MBNL1: variants seen among roughly 807,000 people sequenced by gnomAD.
MBNL1 encodes the protein muscleblind-like protein 1.
In MBNL1, 8 loss-of-function variants were observed where a neutral mutation model predicts 42.2. The observed-to-expected ratio is 0.19, with a 90% CI of 0.11 to 0.34. The LOEUF (loss-of-function observed/expected upper bound fraction) is 0.34. Among genes scored for constraint, MBNL1 ranks in the 10% least tolerant of loss-of-function variants. The pLI is 1.00. For synonymous variants in MBNL1, 169 were observed against 173.9 expected, an observed-to-expected ratio of 0.97 and a Z score of 0.22; for missense variants, 309 against 495.3, an observed-to-expected ratio of 0.62 and a Z score of 3.57.
intron 2 of MBNL1, among the ~76,000 whole-genome samples, chr3:152,376,991 T>G (rs1019362691): frequency 2.6e-5 from 4 of 152,206 alleles, no homozygotes; most frequent in African/African-American, 9.6e-5. Flanking sequence ...TTACATGAAG[T>G]TGAGTTTGTG....
intron 2 of MBNL1, among the ~76,000 whole-genome samples, chr3:152,252,424 T>G (rs1398246180): frequency 6.6e-6 from 1 of 152,038 alleles, no homozygotes. Flanking sequence ...AATTTTATTT[T>G]TTGAGTCAAT....
At chr3:152,440,804 G>T (rs1438239089) in intron 4 of MBNL1, among the ~76,000 whole-genome samples, 1 of 152,128 alleles carries the variant, frequency 6.6e-6, no homozygotes, top group Non-Finnish European at 1.5e-5. Flanking sequence ...CTCATGATCA[G>T]CGATGCTGTG....
At chr3:152,449,871 G>A (rs546361401) in intron 6 of MBNL1, among the ~76,000 whole-genome samples, 27 of 152,168 alleles carry the variant, frequency 1.8e-4, no homozygotes, top group African/African-American at 6.3e-4. Context: ...TTGGGAGGCC[G>A]AGGCAGGTGG....
chr3:152,287,413 A>G (rs2053165689), intron 1 of MBNL1, among the ~76,000 whole-genome samples: 1 of 152,188 alleles, frequency 6.6e-6, no homozygotes, highest in Non-Finnish European at 1.5e-5. Flanking sequence ...TTTATCAGAG[A>G]AGATACTCTG....
chr3:152,308,187 A>G (rs1277483535), intron 2 of MBNL1, among the ~76,000 whole-genome samples: 2 of 152,232 alleles, frequency 1.3e-5, no homozygotes, highest in East Asian at 1.9e-4. Flanking sequence ...CAGTACAAAC[A>G]GTACCTTGGA....
At chr3:152,306,356 T>A (rs909240013) in intron 2 of MBNL1, among the ~76,000 whole-genome samples, 4 of 152,220 alleles carry the variant, frequency 2.6e-5, no homozygotes, top group African/African-American at 7.2e-5. Context: ...GAACTCAGGT[T>A]CCTTCTCTCT....
chr3:152,292,774 CTTT>C (rs397874900), intron 1 of MBNL1, among the ~76,000 whole-genome samples: 4 of 144,972 alleles, frequency 2.8e-5, no homozygotes, highest in Non-Finnish European at 4.6e-5. Context: ...TTAATTAATA[CTTT>C]TTTTTTTTTC....
In MBNL1 at chr3:152,308,289, C is replaced by T. The variant is rs376987411; in HGVS notation, c.174+7922C>T. Among the ~76,000 whole-genome samples, 25 of 152,296 alleles carry T rather than the reference C, an allele frequency of 1.6e-4. No homozygotes were observed. The South Asian group carries it at 4.8e-3, about 29-fold the overall frequency. On this transcript the variant is annotated intron_variant, in intron 2 of 9. Transcript: ENST00000324210. ...CTCCTAGAGTCACAGACCCCAGCTG[C>T]TTTTGTCAAACTATTTCTGTGGCAA...
At chr3:152,383,296 A>G (rs889525106) in intron 2 of MBNL1, among the ~76,000 whole-genome samples, 3 of 152,042 alleles carry the variant, frequency 2.0e-5, no homozygotes, top group African/African-American at 4.8e-5. Context: ...AGGAGTCTAT[A>G]TTTGAGTTTT....
At chr3:152,416,444 T>C (rs559132972) in intron 3 of MBNL1, among the ~76,000 whole-genome samples, 1 of 152,288 alleles carries the variant, frequency 6.6e-6, no homozygotes, top group Admixed American at 6.5e-5. Context: ...TTAAAAAAAT[T>C]AGCTATAATA....
chr3:152,380,834 A>T (rs2097149774), intron 2 of MBNL1, among the ~76,000 whole-genome samples: 1 of 152,052 alleles, frequency 6.6e-6, no homozygotes, highest in Admixed American at 6.6e-5. Flanking sequence ...GAATATTCAC[A>T]TTTTTGTGGC....
chr3:152,428,163 G>A (rs1001363118), intron 3 of MBNL1, among the ~76,000 whole-genome samples: 1 of 152,138 alleles, frequency 6.6e-6, no homozygotes, highest in Non-Finnish European at 1.5e-5. Flanking sequence ...TCACATTCAA[G>A]TATATATTCT....
At chr3:152,359,039 T>A (rs2095741795) in intron 2 of MBNL1, among the ~76,000 whole-genome samples, 2 of 152,254 alleles carry the variant, frequency 1.3e-5, no homozygotes, top group African/African-American at 4.8e-5. Flanking sequence ...TTACTGCTTA[T>A]GAACAATGAC....
chr3:152,340,339 T>G (rs1283331693), intron 2 of MBNL1: 1 of 648,768 alleles, frequency 1.5e-6, no homozygotes, highest in Non-Finnish European at 2.5e-6. Context: ...AATATCAACA[T>G]GCAAAAACTG....
In MBNL1 at chr3:152,423,476, G is replaced by A. The variant is rs1055453053; in HGVS notation, c.345+8365G>A. On this transcript the variant is annotated intron_variant, in intron 3 of 9. Coordinates refer to ENST00000324210, the MANE Select transcript of MBNL1 (RefSeq NM_021038.5). ...AACCAGAAAAAGCCCAGGACCAGAC[G>A]GATTCACAGGCGAATTCTACCAGAG... is the stretch of plus-strand genomic sequence containing the variant. Among the ~76,000 whole-genome samples the A allele has an allele frequency of 3.9e-5, 6 of 152,064 alleles. No individual in the cohort carries two copies. The East Asian group carries it at 9.6e-4, about 24-fold the overall frequency.
chr3:152,319,614 G>GCTTTTTTTT (rs1184071631), intron 2 of MBNL1, among the ~76,000 whole-genome samples: 2 of 80,534 alleles, frequency 2.5e-5, no homozygotes, highest in Non-Finnish European at 4.6e-5. Context: ...GTTCTATACT[G>GCTTTTTTTT]TTTTTTTTTT....
intron 1 of MBNL1, among the ~76,000 whole-genome samples, chr3:152,270,126 G>A (rs1292250598): frequency 6.6e-6 from 1 of 152,044 alleles, no homozygotes; most frequent in Non-Finnish European, 1.5e-5. Flanking sequence ...GTATGCGGCT[G>A]TTGGGATTCT....
intron 2 of MBNL1, among the ~76,000 whole-genome samples, chr3:152,405,186 A>G (rs1041465120): frequency 3.9e-5 from 6 of 152,202 alleles, no homozygotes; most frequent in East Asian, 1.9e-4. Flanking sequence ...TTAGCAGTCA[A>G]TGATTAAACA....
In MBNL1 at chr3:152,452,227, G is replaced by GTT. The variant is rs568223867; in HGVS notation, c.962-3314_962-3313dup. 2.3e-3 allele frequency among the ~76,000 whole-genome samples: 353 copies of GTT among 152,296 alleles called. 13 individuals are homozygous for GTT. Among genetic ancestry groups the GTT allele is most frequent in the Admixed American group, 0.02 (299 of 15,288 alleles). On this transcript the variant is annotated intron_variant, in intron 6 of 9. Transcript: ENST00000324210. Reference sequence around the variant, plus strand: ...TATGCATAATTTAGGATCTATTTATGTTATATATATGAGTTTTCACTCATG... The same window carrying GTT: ...TATGCATAATTTAGGATCTATTTATGTTTTATATATATGAGTTTTCACTCATG...
Sources: allele counts gnomAD v4.1 joint callset (sites outside exome capture counted in the v4.1 genomes callset), GRCh38; gene constraint gnomAD v4.1.1; transcripts MANE v1.5; gene names NCBI Gene and HGNC (gene_info 2026-07-23, HGNC 2026-07-21).